USP37: variants seen among roughly 807,000 people sequenced by gnomAD.
The protein encoded by USP37 is ubiquitin specific peptidase 37, also known as ubiquitin carboxyl-terminal hydrolase 37.
USP37 carries 27 observed loss-of-function variants against 124.0 expected under a neutral mutation model. The observed-to-expected ratio is 0.22, with a 90% CI of 0.16 to 0.30. The LOEUF (loss-of-function observed/expected upper bound fraction) is 0.30, where lower values mean the gene tolerates loss of function less well. Ranked by LOEUF, USP37 falls within the 10% of genes least tolerant of loss-of-function variation. The pLI, the probability that USP37 is intolerant of heterozygous loss-of-function variation, is 1.00. For synonymous variants in USP37, 365 were observed against 388.0 expected (o/e 0.94, Z 0.70); for missense variants, 889 against 1,140.4 (o/e 0.78, Z 3.17).
chr2:218,539,869 G>A (rs1038121923), intron 8 of USP37, among the ~76,000 whole-genome samples: 2 of 151,966 alleles, frequency 1.3e-5, no homozygotes, highest in African/African-American at 4.8e-5. Context: ...AATTAGCCGG[G>A]TGTGATGGCA....
At chr2:218,457,018 CAAAGAGCAATATAAT>C in intron 24 of USP37, 59 bp downstream of exon 24, 1 of 1,417,088 alleles carries the variant, frequency 7.1e-7, no homozygotes, top group East Asian at 2.3e-5. Flanking sequence ...CAAAGCTAGG[CAAAGAGCAATATAAT>C]AAAGAGCAAA....
At chr2:218,476,770 G>A (rs958167087) in intron 19 of USP37, 70 bp downstream of exon 19, 68 of 1,466,766 alleles carry the variant, frequency 4.6e-5, no homozygotes, top group Admixed American at 1.3e-4. Context: ...TGATGGTTAT[G>A]AAAGACATTT....
intron 1 of USP37, among the ~76,000 whole-genome samples, chr2:218,563,391 G>A (rs567321954): frequency 6.6e-6 from 1 of 152,254 alleles, no homozygotes; most frequent in East Asian, 1.9e-4. Context: ...ATTCATTCTT[G>A]CTACATTTTG....
intron 9 of USP37, among the ~76,000 whole-genome samples, chr2:218,534,028 T>C (rs745578286): frequency 4.1e-4 from 63 of 152,250 alleles, no homozygotes; most frequent in Non-Finnish European, 7.3e-4. Context: ...TAATTCATTC[T>C]ATGGTCCTGG....
chr2:218,486,364 A>G (rs1691557030), intron 15 of USP37: 1 of 152,244 alleles, frequency 6.6e-6, no homozygotes, highest in African/African-American at 2.4e-5. Flanking sequence ...AAAGAAAAGC[A>G]GAGTATTTAT....
chr2:218,493,006 TAA>T (rs1056062099), intron 14 of USP37, among the ~76,000 whole-genome samples: 1 of 148,258 alleles, frequency 6.7e-6, no homozygotes, highest in African/African-American at 2.5e-5. Flanking sequence ...GACTCTGTCT[TAA>T]AAAAAAAAAA....
At chr2:218,505,024 A>C (rs1352105202) in intron 11 of USP37, among the ~76,000 whole-genome samples, 1 of 152,010 alleles carries the variant, frequency 6.6e-6, no homozygotes, top group Non-Finnish European at 1.5e-5. Context: ...AGAAAAAAAA[A>C]TTTGGGGGGA....
intron 3 of USP37, 44 bp from the exon 4 acceptor site, chr2:218,558,721 A>C (rs766911376): frequency 1.9e-5 from 26 of 1,404,340 alleles, no homozygotes; most frequent in Non-Finnish European, 2.4e-5. Context: ...GCAGGTTCTA[A>C]GGAAGAAAAA....
chr2:218,556,510 T>TC (rs1228636243), intron 4 of USP37, among the ~76,000 whole-genome samples: 1 of 131,652 alleles, frequency 7.6e-6, no homozygotes, highest in East Asian at 2.2e-4. Flanking sequence ...TCTGTTTTTT[T>TC]TTTTTTTTTT....
intron 21 of USP37, among the ~76,000 whole-genome samples, chr2:218,464,270 T>C (rs998632168): frequency 6.6e-6 from 1 of 151,910 alleles, no homozygotes; most frequent in Non-Finnish European, 1.5e-5. Context: ...AGTCTTGCTC[T>C]ATAGCCAAGG....
At chr2:218,526,851 C>T (rs1574927453) in intron 10 of USP37, among the ~76,000 whole-genome samples, 1 of 123,760 alleles carries the variant, frequency 8.1e-6, no homozygotes, top group Non-Finnish European at 1.6e-5. Flanking sequence ...TGCAGTGGCG[C>T]GATCTCGGCT....
chr2:218,509,868 T>G, intron 11 of USP37, 111 bp downstream of exon 11: 1 of 1,060,048 alleles, frequency 9.4e-7, no homozygotes, highest in Non-Finnish European at 1.3e-6. Flanking sequence ...TGATCTAATT[T>G]CTAAATATTT....
chr2:218,466,506 C>G (rs1370996055), intron 20 of USP37, among the ~76,000 whole-genome samples: 1 of 151,996 alleles, frequency 6.6e-6, no homozygotes, highest in Non-Finnish European at 1.5e-5. Flanking sequence ...ACAGACACTA[C>G]TATATGTCCT....
At chr2:218,457,048 G>T (rs372606014) in intron 24 of USP37, 44 bp downstream of exon 24, 3 of 1,574,722 alleles carry the variant, frequency 1.9e-6, no homozygotes, top group South Asian at 1.1e-5. Flanking sequence ...AGCAAATGCT[G>T]ACTAGTTCAT....
intron 18 of USP37, 71 bp downstream of exon 18, chr2:218,479,579 G>T: frequency 8.1e-7 from 1 of 1,230,416 alleles, no homozygotes; most frequent in Non-Finnish European, 1.2e-6. Flanking sequence ...AAGGCAGGGA[G>T]GCAATCTTGG....
intron 10 of USP37, among the ~76,000 whole-genome samples, chr2:218,529,158 A>G (rs533506217): frequency 1.0e-3 from 155 of 152,316 alleles, no homozygotes; most frequent in Non-Finnish European, 2.0e-3. Context: ...TCAGCCTCCT[A>G]AGTAGCTATC....
In USP37 at chr2:218,495,719, A is replaced by G. The variant is rs374434594; in HGVS notation, c.1472+41T>C. ...TAGAAGAATTTTAATCACTTGCCATAAAGAAGTAAAAAGGGAAATCATTTC... is the reference window on the plus strand; with the variant it reads ...TAGAAGAATTTTAATCACTTGCCATGAAGAAGTAAAAAGGGAAATCATTTC... On this transcript the variant is annotated intron_variant, in intron 14 of 25. Transcript: ENST00000258399. 5 of 1,550,928 alleles carry G rather than the reference A, an allele frequency of 3.2e-6. No homozygotes were observed. The African/African-American group carries it at 6.9e-5, about 22-fold the overall frequency.
chr2:218,465,671 C>T (rs1003251747), intron 21 of USP37, among the ~76,000 whole-genome samples: 2 of 152,108 alleles, frequency 1.3e-5, no homozygotes, highest in African/African-American at 4.8e-5. Flanking sequence ...GATTCTCCTG[C>T]CTCAGCCTTC....
intron 6 of USP37, among the ~76,000 whole-genome samples, chr2:218,547,874 A>G (rs1258035455): frequency 6.6e-6 from 1 of 152,230 alleles, no homozygotes; most frequent in Non-Finnish European, 1.5e-5. Context: ...CTCAAAGAGA[A>G]TATGGCAATG....
Sources: allele counts gnomAD v4.1 joint callset (sites outside exome capture counted in the v4.1 genomes callset), GRCh38; gene constraint gnomAD v4.1.1; transcripts MANE v1.5; gene names NCBI Gene and HGNC (gene_info 2026-07-23, HGNC 2026-07-21).